Variants in LAMA4 observed in about 807,000 individuals in gnomAD.
The protein encoded by LAMA4 is laminin subunit alpha-4.
Under a neutral mutation model 207.1 loss-of-function variants are expected in LAMA4, and 127 were observed. That is an observed-to-expected ratio of 0.61 (90% CI 0.53 to 0.71). LAMA4 has a LOEUF of 0.71. Among genes scored for constraint, LAMA4 ranks in the 30% least tolerant of loss-of-function variants. LAMA4 has a pLI of 0.00. For synonymous variants in LAMA4, 761 were observed against 816.0 expected (o/e 0.93, Z 1.15); for missense variants, 2,093 against 2,246.5 (o/e 0.93, Z 1.38).
chr6:112,147,658 T>C (rs1390143719), intron 18 of LAMA4, among the ~76,000 whole-genome samples: 1 of 152,220 alleles, frequency 6.6e-6, no homozygotes, highest in Non-Finnish European at 1.5e-5. Flanking sequence ...TATATTCAAG[T>C]TGGCCAACAC....
At chr6:112,137,524 A>G (rs1220100868) in intron 24 of LAMA4, among the ~76,000 whole-genome samples, 8 of 152,248 alleles carry the variant, frequency 5.3e-5, no homozygotes, top group African/African-American at 9.6e-5. Flanking sequence ...AATTCACATA[A>G]TATGTGTGGC....
At chr6:112,242,268 C>G (rs1554187850) in intron 2 of LAMA4, among the ~76,000 whole-genome samples, 1 of 152,142 alleles carries the variant, frequency 6.6e-6, no homozygotes, top group Non-Finnish European at 1.5e-5. Flanking sequence ...TATCAGCTTC[C>G]TTTAGATGCC....
chr6:112,123,659 G>A (rs1274488540), intron 31 of LAMA4, among the ~76,000 whole-genome samples: 1 of 152,158 alleles, frequency 6.6e-6, no homozygotes, highest in Non-Finnish European at 1.5e-5. Context: ...AAGGACAGAC[G>A]AGCTGTGCCA....
chr6:112,147,379 A>G (rs973257795), intron 18 of LAMA4, among the ~76,000 whole-genome samples: 1 of 152,216 alleles, frequency 6.6e-6, no homozygotes. Flanking sequence ...TAAAATTTGT[A>G]CTGACAGATC....
intron 13 of LAMA4, 40 bp from the exon 14 acceptor site, chr6:112,158,920 GA>G (rs1554337673): frequency 7.1e-7 from 1 of 1,403,234 alleles, no homozygotes; most frequent in Non-Finnish European, 1.0e-6. Flanking sequence ...GAATTTAGAA[GA>G]ACTTAAAACA....
At chr6:112,251,034 C>T (rs782470749) in intron 2 of LAMA4, among the ~76,000 whole-genome samples, 10 of 152,168 alleles carry the variant, frequency 6.6e-5, no homozygotes, top group Non-Finnish European at 1.3e-4. Flanking sequence ...TTGAGAATCA[C>T]CTGTTGAGAA....
chr6:112,246,647 G>C (rs1474123853), intron 2 of LAMA4, among the ~76,000 whole-genome samples: 1 of 151,644 alleles, frequency 6.6e-6, no homozygotes, highest in African/African-American at 2.4e-5. Flanking sequence ...AGCCTCCCAA[G>C]TAGCTGGGAT....
At chr6:112,179,917 C>A (rs370284248) in intron 9 of LAMA4, 2 of 533,032 alleles carry the variant, frequency 3.8e-6, no homozygotes, top group Admixed American at 1.9e-5. Context: ...CTCCTTCCTG[C>A]AATTCCAGTC....
At chr6:112,112,615 A>G (rs1777766888) in intron 38 of LAMA4, among the ~76,000 whole-genome samples, 1 of 152,202 alleles carries the variant, frequency 6.6e-6, no homozygotes, top group East Asian at 1.9e-4. Context: ...GAAGTCAGGA[A>G]CAGGGAGAGG....
chr6:112,158,740 T>C lies in LAMA4; in HGVS notation c.1809A>G (p.Glu603=). 26 of 1,613,642 alleles carry C rather than the reference T, an allele frequency of 1.6e-5. No homozygotes were observed. Among genetic ancestry groups the C allele is most frequent in the Non-Finnish European group, 2.2e-5 (26 of 1,179,602 alleles). ...HAQDLQQEAN[E]LSRKLHSSDM... ...TAAAACCAGGATATTACCTGCTCAA[T>C]TCATTAGCTTCTTGTTGAAGGTCCT... The change falls in exon 14 of 39, where the codon GAA becomes GAG. Residue 603 remains glutamate (E), a synonymous_variant. Transcript: ENST00000230538.
chr6:112,181,409 T>C (rs1405923015), intron 9 of LAMA4, among the ~76,000 whole-genome samples: 2 of 152,166 alleles, frequency 1.3e-5, no homozygotes, highest in South Asian at 2.1e-4. Flanking sequence ...TTCTTCACAA[T>C]TGGGCCTCTG....
At position 112,117,819 on chromosome 6, in the gene LAMA4, G is replaced by A. The variant is rs1194804981; in HGVS notation, c.4901C>T (p.Thr1634Ile). 1.9e-6 allele frequency: 3 copies of A among 1,613,738 alleles called. No homozygotes were observed. The highest frequency in any genetic ancestry group is 2.5e-6 in the Non-Finnish European group (3 of 1,179,680). The change falls in exon 35 of 39, where the codon ACA becomes ATA. Residue 1634 changes from threonine to isoleucine, a missense_variant. Thr to Ile is a moderately conservative substitution (Grantham distance 89). This residue lies in a region of LAMA4 where 383 missense variants were observed against 437.8 expected (regional missense o/e 0.87). Coordinates refer to ENST00000230538, the MANE Select transcript of LAMA4 (RefSeq NM_001105206.3). This position sits in a 1 kb window ranked among gnomAD's most constrained non-coding sequence, Gnocchi z 4.5. ...NGASITSASQ[T>I]FSVTPCFEGP... The stretch of plus-strand genomic sequence containing the variant: ...TTCAAAGCAAGGGGTCACACTGAAT[G>A]TCTGAGAAGCAGAGGTGATGGAGGC...
At chr6:112,192,991 G>T (rs1554349565) in intron 5 of LAMA4, among the ~76,000 whole-genome samples, 1 of 152,206 alleles carries the variant, frequency 6.6e-6, no homozygotes, top group Non-Finnish European at 1.5e-5. Flanking sequence ...TTCAAACCTT[G>T]TAAGAGTACT....
At position 112,129,021 on chromosome 6, in the gene LAMA4, G is replaced by A. The variant is rs1554328625; in HGVS notation, c.4188C>T (p.His1396=). The stretch of plus-strand genomic sequence containing the variant: ...CAATGGGACACTCATAAAGAGAAGT[G>A]TGGACCTTTTCAGTATACCGTTGGA... ...EDFQRYTEKV[H]TSLYECPIES... is the part of the protein sequence containing the mutation. Residue 1396 remains histidine (H), a synonymous_variant, in exon 31 of 39, where the codon CAC becomes CAT. Coordinates refer to ENST00000230538, the MANE Select transcript of LAMA4 (RefSeq NM_001105206.3). 6.2e-7 allele frequency: 1 copy of A among 1,612,970 alleles called. No individual in the cohort carries two copies. The highest frequency in any genetic ancestry group is 1.7e-5 in the Admixed American group (1 of 59,976).
rs41289902 is a variant in LAMA4, at chr6:112,139,163, C to T, written c.3239G>A (p.Arg1080Gln). ...AATAAGGCCGTTGTCAGCTGGTGTT[C>T]GAACTTCTATGTCAAAGCGAGTCAC... The part of the protein sequence containing the change: ...GQVTRFDIEV[R>Q]TPADNGLILL... Residue 1080 changes from arginine (R) to glutamine (Q), a missense_variant, in exon 24 of 39, where the codon CGA (arginine) becomes CAA (glutamine). Physicochemically the swap from Arg to Gln is conservative, Grantham distance 43 (BLOSUM62 1). Around this residue, in one of 3 missense-constraint regions of LAMA4, gnomAD observed 1,704 missense variants for 1,788.4 expected, o/e 0.95. Transcript: ENST00000230538. 0.012 allele frequency: 19,455 copies of T among 1,614,076 alleles called. 157 individuals carry two copies. Among genetic ancestry groups the T allele is most frequent in the Non-Finnish European group, 0.014 (16,256 of 1,179,938 alleles).
At chr6:112,155,763 A>G in intron 14 of LAMA4, 57 bp from the exon 15 acceptor site, 1 of 1,566,704 alleles carries the variant, frequency 6.4e-7, no homozygotes, top group Non-Finnish European at 8.8e-7. Context: ...GAATGGGGCC[A>G]TGTTTAATGC....
chr6:112,134,827 C>G (rs1554330990), intron 25 of LAMA4, among the ~76,000 whole-genome samples: 1 of 152,062 alleles, frequency 6.6e-6, no homozygotes, highest in African/African-American at 2.4e-5. Context: ...GAAAGGAGGT[C>G]TGTATGAAGA....
intron 31 of LAMA4, among the ~76,000 whole-genome samples, chr6:112,125,462 A>G (rs548111685): frequency 1.3e-5 from 2 of 152,170 alleles, no homozygotes; most frequent in African/African-American, 2.4e-5. Flanking sequence ...GTTCTTAGAG[A>G]AGAGAGTGGT....
chr6:112,142,303 A>G lies in LAMA4; in HGVS notation c.2494-11T>C. 1.2e-6 allele frequency: 2 copies of G among 1,614,022 alleles called. No homozygotes were observed. Among genetic ancestry groups the G allele is most frequent in the Non-Finnish European group, 1.7e-6 (2 of 1,179,898 alleles). On this transcript the variant is annotated splice_polypyrimidine_tract_variant and intron_variant, in intron 19 of 38. Transcript: ENST00000230538. ...CATGGAGACTTGGATCTGGAGTGAC[A>G]CAACGGTTTCATTAAAAGTGCTTTG...
Sources: allele counts gnomAD v4.1 joint callset (sites outside exome capture counted in the v4.1 genomes callset), GRCh38; gene constraint gnomAD v4.1.1; regional missense constraint gnomAD v4.1.1; non-coding constraint Gnocchi (gnomAD v3.1); transcripts MANE v1.5; gene names NCBI Gene and HGNC (gene_info 2026-07-23, HGNC 2026-07-21).